MED12L: variants seen among roughly 807,000 people sequenced by gnomAD.
MED12L encodes mediator complex subunit 12L.
Under a neutral mutation model 281.3 loss-of-function variants are expected in MED12L, and 60 were observed. That is an observed-to-expected ratio of 0.21 (90% confidence interval 0.17 to 0.26). The LOEUF is 0.26. Among genes scored for constraint, MED12L ranks in the 10% least tolerant of loss-of-function variants. The pLI, the probability that MED12L is intolerant of heterozygous loss-of-function variation, is 1.00. For missense variants in MED12L, 2,146 were observed against 2,680.9 expected (o/e 0.80, Z 4.41); for synonymous variants, 974 against 987.2 (o/e 0.99, Z 0.25).
intron 16 of MED12L, among the ~76,000 whole-genome samples, chr3:151,326,141 T>A (rs190958520): frequency 8.9e-4 from 136 of 152,310 alleles, no homozygotes; most frequent in Non-Finnish European, 9.6e-4. Context: ...GATCATTCAC[T>A]AGTGACCCCA....
chr3:151,140,180 C>T (rs867484889), intron 5 of MED12L, among the ~76,000 whole-genome samples: 7 of 152,086 alleles, frequency 4.6e-5, no homozygotes, highest in Non-Finnish European at 7.4e-5. Flanking sequence ...ATTGGAAGAC[C>T]TCTAATATTT....
At chr3:151,302,946 C>T (rs891427083) in intron 16 of MED12L, among the ~76,000 whole-genome samples, 2 of 152,084 alleles carry the variant, frequency 1.3e-5, no homozygotes, top group Admixed American at 1.3e-4. Flanking sequence ...CAGAGGTGTA[C>T]CCGAACTGAG....
intron 16 of MED12L, among the ~76,000 whole-genome samples, chr3:151,347,225 C>T (rs971069818): frequency 6.6e-6 from 1 of 152,134 alleles, no homozygotes; most frequent in Admixed American, 6.5e-5. Flanking sequence ...GTAAAGTTTC[C>T]TACAAAACTA....
rs943541105 is a variant in MED12L at position 151,301,177 on chromosome 3, T to C, written c.2251-48882T>C. Among the ~76,000 whole-genome samples the C allele has an allele frequency of 3.9e-5, 6 of 152,302 alleles. No homozygotes were observed. The East Asian group carries it at 1.2e-3, about 29-fold the overall frequency. On this transcript the variant is annotated intron_variant, in intron 16 of 44. Transcript: ENST00000687756. Reference sequence around the variant, plus strand: ...GCCAGCATCACATTATTTTTTAATGTAAGGCAAAGAGGTAAAACTCTACTT... The same window carrying C: ...GCCAGCATCACATTATTTTTTAATGCAAGGCAAAGAGGTAAAACTCTACTT...
At chr3:151,386,292 T>G (rs1713332123) in intron 36 of MED12L, among the ~76,000 whole-genome samples, 1 of 152,204 alleles carries the variant, frequency 6.6e-6, no homozygotes, top group Non-Finnish European at 1.5e-5. Flanking sequence ...GGATGTGTGG[T>G]TTTTACACCA....
Position 151,434,858 on chromosome 3 carries a change from A to G in MED12L, c.*2054A>G, listed in dbSNP as rs1453030862. On this transcript the variant is annotated 3_prime_UTR_variant, in exon 45 of 45. Transcript: ENST00000687756. ...ATACTTTGCAGAGGTGAGTTAAATTATTAATCATTTTGCACATGAAAGCTG... is the reference window on the plus strand; with the variant it reads ...ATACTTTGCAGAGGTGAGTTAAATTGTTAATCATTTTGCACATGAAAGCTG... 1.3e-5 allele frequency: 2 copies of G among 152,254 alleles called. No individual in the cohort carries two copies. The highest frequency in any genetic ancestry group is 2.9e-5 in the Non-Finnish European group (2 of 68,038). The allele number at this position is 152,254 out of a possible 1,614,324, so 9.4% of individuals were successfully genotyped here.
intron 16 of MED12L, chr3:151,338,822 G>A: frequency 6.8e-6 from 11 of 1,613,814 alleles, no homozygotes; most frequent in South Asian, 1.1e-5. Flanking sequence ...CAGGCGCAGA[G>A]GTGAGGTTGT....
chr3:151,090,602 G>A (rs1030396411), intron 2 of MED12L, among the ~76,000 whole-genome samples: 1 of 152,086 alleles, frequency 6.6e-6, no homozygotes, highest in African/African-American at 2.4e-5. Flanking sequence ...AGGGAAATCC[G>A]GTGACTGAGG....
intron 16 of MED12L, among the ~76,000 whole-genome samples, chr3:151,288,172 T>C (rs1226492888): frequency 1.3e-5 from 2 of 152,222 alleles, no homozygotes; most frequent in African/African-American, 4.8e-5. Context: ...TTGTTGTCCC[T>C]ATGTTCAGTG....
At chr3:151,415,470 G>T (rs377689777) in intron 42 of MED12L, among the ~76,000 whole-genome samples, 6 of 152,218 alleles carry the variant, frequency 3.9e-5, no homozygotes, top group African/African-American at 1.4e-4. Context: ...TAGGATTCCA[G>T]ATCCATGAGC....
intron 43 of MED12L, 30 bp downstream of exon 43, chr3:151,416,452 G>A: frequency 6.2e-7 from 1 of 1,608,090 alleles, no homozygotes; most frequent in South Asian, 1.1e-5. Flanking sequence ...AATCAGACAT[G>A]TGGGTTTCTT....
intron 16 of MED12L, among the ~76,000 whole-genome samples, chr3:151,291,335 G>T (rs113853376): frequency 6.6e-6 from 1 of 151,984 alleles, no homozygotes; most frequent in Non-Finnish European, 1.5e-5. Flanking sequence ...AACGATGGTT[G>T]AGAAACAAAA....
chr3:151,381,622 C>T lies in MED12L; in HGVS notation c.4591-1034C>T, dbSNP rs1712362521. ...CATTCAGTTCTCTGTTAAGATGTTA[C>T]CTCCTTCGGGAGGCCTTTGATCACC... is the stretch of plus-strand genomic sequence containing the variant. On this transcript the variant is annotated intron_variant, in intron 32 of 44. Coordinates refer to ENST00000687756, the MANE Select transcript of MED12L (RefSeq NM_001393769.1). Among the ~76,000 whole-genome samples the T allele has an allele frequency of 2.0e-5, 3 of 152,210 alleles. No individual in the cohort carries two copies. The South Asian group carries it at 6.2e-4, about 31-fold the overall frequency.
intron 42 of MED12L, among the ~76,000 whole-genome samples, chr3:151,414,781 T>C (rs369599149): frequency 1.6e-4 from 24 of 152,046 alleles, no homozygotes; most frequent in Admixed American, 9.8e-4. Flanking sequence ...GGCCTTCAGA[T>C]AGCAATCTCA....
chr3:151,103,523 G>A (rs1001716931), intron 2 of MED12L, among the ~76,000 whole-genome samples: 3 of 152,148 alleles, frequency 2.0e-5, no homozygotes, highest in African/African-American at 7.2e-5. Context: ...CATTCATGGT[G>A]GACATTTCCA....
chr3:151,135,061 CTG>C (rs1192382564), intron 5 of MED12L, among the ~76,000 whole-genome samples: 1 of 152,198 alleles, frequency 6.6e-6, no homozygotes, highest in African/African-American at 2.4e-5. Flanking sequence ...GGAGTCTCCT[CTG>C]TTGCTCAGGC....
intron 3 of MED12L, 21 bp from the exon 4 acceptor site, chr3:151,122,762 T>G (rs1208812988): frequency 1.9e-6 from 3 of 1,552,502 alleles, no homozygotes; most frequent in South Asian, 2.5e-5. Flanking sequence ...AACTTTCCCT[T>G]TTTTTCTCTT....
rs561270077 is a variant in MED12L at position 151,142,705 on chromosome 3, G to C, written c.557-13456G>C. Among the ~76,000 whole-genome samples, 230 of 152,144 alleles carry C rather than the reference G, an allele frequency of 1.5e-3. 1 individual carries two copies. The highest frequency in any genetic ancestry group is 5.4e-3 in the African/African-American group (224 of 41,498). ...CTTGCTCCATACTGTGCATACAGTG[G>C]CCTTGTTTTTTAAATGGCTCTAAGC... On this transcript the variant is annotated intron_variant, in intron 5 of 44. Transcript: ENST00000687756.
At chr3:151,172,886 A>G (rs1241446339) in intron 11 of MED12L, among the ~76,000 whole-genome samples, 1 of 152,234 alleles carries the variant, frequency 6.6e-6, no homozygotes, top group East Asian at 1.9e-4. Flanking sequence ...AAGCGTTGCT[A>G]GTCTTTTACA....
Sources: gnomAD v4.1 joint callset for allele counts (sites outside exome capture counted in the v4.1 genomes callset) on GRCh38, gnomAD v4.1.1 for gene constraint, MANE v1.5 for transcripts, NCBI Gene and HGNC (gene_info 2026-07-23, HGNC 2026-07-21) for gene names.